The following SETD2 variants were observed in gnomAD, a reference collection of about 807,000 sequenced individuals.
The protein encoded by SETD2 is SET domain containing 2, histone lysine methyltransferase.
A neutral mutation model predicts 242.1 loss-of-function variants in SETD2; 31 were observed. That is an observed-to-expected ratio of 0.13 (90% CI 0.10 to 0.17). The LOEUF (loss-of-function observed/expected upper bound fraction) is 0.17. Among genes scored for constraint, SETD2 ranks in the 10% least tolerant of loss-of-function variants. The pLI, the probability that SETD2 is intolerant of heterozygous loss-of-function variation, is 1.00. For synonymous variants in SETD2, 1,006 were observed against 1,066.5 expected (o/e 0.94, Z 1.11); for missense variants, 2,481 against 3,046.3 (o/e 0.81, Z 4.37).
At chr3:47,103,065 T>C (rs1469323005) in intron 7 of SETD2, among the ~76,000 whole-genome samples, 1 of 152,220 alleles carries the variant, frequency 6.6e-6, no homozygotes, top group African/African-American at 2.4e-5. Flanking sequence ...GTCTTCATAT[T>C]ACTTAATAGC....
chr3:47,134,932 A>G (rs1341920889), intron 1 of SETD2, among the ~76,000 whole-genome samples: 1 of 152,132 alleles, frequency 6.6e-6, no homozygotes, highest in Non-Finnish European at 1.5e-5. Flanking sequence ...CCTGAATGAC[A>G]TTTTAGAAAG....
At chr3:47,049,665 C>G (rs2039716668) in intron 15 of SETD2, among the ~76,000 whole-genome samples, 1 of 147,198 alleles carries the variant, frequency 6.8e-6, no homozygotes, top group Admixed American at 6.8e-5. Flanking sequence ...AGCCACCGCG[C>G]CTGGCCTATA....
At chr3:47,135,071 C>A (rs2043562598) in intron 1 of SETD2, among the ~76,000 whole-genome samples, 1 of 152,180 alleles carries the variant, frequency 6.6e-6, no homozygotes, top group Non-Finnish European at 1.5e-5. Context: ...ACAGTCTCTA[C>A]CCCACCAGGA....
intron 1 of SETD2, among the ~76,000 whole-genome samples, chr3:47,151,801 TG>T (rs1374638726): frequency 7.2e-6 from 1 of 139,192 alleles, no homozygotes; most frequent in African/African-American, 2.7e-5. Context: ...CACTCCAGCC[TG>T]GGAGAGAGAC....
intron 7 of SETD2, among the ~76,000 whole-genome samples, 199 bp downstream of exon 7, chr3:47,103,147 T>C (rs1273968482): frequency 1.3e-5 from 2 of 152,222 alleles, no homozygotes; most frequent in Non-Finnish European, 2.9e-5. Context: ...TGAAGACTGA[T>C]ATATGGGTGT....
chr3:47,054,250 C>G (rs150825681), intron 15 of SETD2, among the ~76,000 whole-genome samples: 4 of 152,146 alleles, frequency 2.6e-5, no homozygotes, highest in Admixed American at 2.0e-4. Context: ...AATTGTGATG[C>G]TTGGCTCTTA....
intron 12 of SETD2, among the ~76,000 whole-genome samples, chr3:47,079,488 A>C (rs2041238908): frequency 1.3e-5 from 2 of 152,256 alleles, no homozygotes; most frequent in African/African-American, 4.8e-5. Flanking sequence ...TTATGTCTTT[A>C]GGGAAACAGA....
chr3:47,042,470 A>G lies in SETD2; in HGVS notation c.7238+91T>C, dbSNP rs878901458. 39 of 1,264,510 alleles carry G rather than the reference A, an allele frequency of 3.1e-5. 1 individual carries two copies. The highest frequency in any genetic ancestry group is 2.2e-4 in the Admixed American group (12 of 55,700). The allele number at this position is 1,264,510 out of a possible 1,614,324, so 78.3% of individuals were successfully genotyped here. ...CAAGCACAGTGAAAAGCTAATGACA[A>G]GAAGTTTACAACTGTAAAACTCCCC... On this transcript the variant is annotated intron_variant, in intron 17 of 20. Transcript: ENST00000409792.
At chr3:47,115,757 G>A (rs1008000888) in intron 4 of SETD2, among the ~76,000 whole-genome samples, 7 of 152,100 alleles carry the variant, frequency 4.6e-5, no homozygotes, top group Non-Finnish European at 7.4e-5. Flanking sequence ...TGCTTCTCCT[G>A]CCTCAGCCTC....
chr3:47,057,724 G>A (rs945585463), intron 14 of SETD2, among the ~76,000 whole-genome samples: 1 of 152,044 alleles, frequency 6.6e-6, no homozygotes, highest in Non-Finnish European at 1.5e-5. Flanking sequence ...TCTACCCTTA[G>A]TTTCTAGAAT....
In SETD2 at chr3:47,086,313, T is replaced by G. The variant is rs769619404; in HGVS notation, c.5279A>C (p.Asn1760Thr). The G allele has an allele frequency of 2.5e-6, 4 of 1,611,936 alleles. No homozygotes were observed. In the Admixed American group the frequency reaches 6.7e-5, roughly 27 times the overall value. Residue 1760 changes from asparagine to threonine, a missense_variant and splice_region_variant, in exon 11 of 21, where the codon AAC becomes ACC. Asn to Thr is a moderately conservative substitution (Grantham distance 65, BLOSUM62 0). Around this residue, in one of 17 missense-constraint regions of SETD2, gnomAD observed 62 missense variants for 136.7 expected, o/e 0.45. Coordinates refer to ENST00000409792, the MANE Select transcript of SETD2 (RefSeq NM_014159.7). ...QKLTCLELIQ[N>T]THSQSCLKSF... ...CTTCAGGCAGGACTGTGAGTGTGTGTTCTTTCATGGGGGAAGGGAGACACG... is the reference window on the plus strand; with the variant it reads ...CTTCAGGCAGGACTGTGAGTGTGTGGTCTTTCATGGGGGAAGGGAGACACG...
At chr3:47,023,949 G>C (rs938272830) in intron 18 of SETD2, among the ~76,000 whole-genome samples, 1 of 152,190 alleles carries the variant, frequency 6.6e-6, no homozygotes, top group Admixed American at 6.5e-5. Context: ...TTCTTCTTTT[G>C]GTTGATTTTA....
intron 19 of SETD2, among the ~76,000 whole-genome samples, chr3:47,018,617 TA>T (rs1011325612): frequency 9.2e-5 from 14 of 152,362 alleles, no homozygotes; most frequent in African/African-American, 2.6e-4. Flanking sequence ...ATAAGCCTTT[TA>T]ACTCAAGGTT....
chr3:47,142,951 T>C (rs2043767152), intron 1 of SETD2, among the ~76,000 whole-genome samples: 1 of 152,046 alleles, frequency 6.6e-6, no homozygotes, highest in Non-Finnish European at 1.5e-5. Flanking sequence ...ATTACAGGCG[T>C]GAGCCACTGC....
chr3:47,027,944 C>G (rs193092384), intron 18 of SETD2, among the ~76,000 whole-genome samples: 119 of 152,010 alleles, frequency 7.8e-4, no homozygotes, highest in African/African-American at 2.8e-3. Context: ...GGCGCCCCCC[C>G]GCACACCTGA....
rs1174283471 is a variant in SETD2, at chr3:47,058,440, C to CAAAAAAAAAAAA, written c.6294-962_6294-951dup. Among the ~76,000 whole-genome samples, 13 of 21,974 alleles carry CAAAAAAAAAAAA rather than the reference C, an allele frequency of 5.9e-4. 1 individual carries two copies. The highest frequency in any genetic ancestry group is 3.2e-3 in the African/African-American group (13 of 4,024). 14.4% of individuals were successfully genotyped at this position (21,974 alleles called of 152,430 possible). On this transcript the variant is annotated intron_variant, in intron 14 of 20. Transcript: ENST00000409792. The stretch of plus-strand genomic sequence containing the variant: ...TGGGCAACAGGGCAAGACACCGTCT[C>CAAAAAAAAAAAA]AAAAAAAAAAAAAAAAAAAAAAAAC...
In SETD2 at chr3:47,121,290, T is replaced by C. The variant is rs775822353; in HGVS notation, c.3346A>G (p.Lys1116Glu). 6.2e-7 allele frequency: 1 copy of C among 1,613,384 alleles called. No individual in the cohort carries two copies. Among genetic ancestry groups the C allele is most frequent in the Non-Finnish European group, 8.5e-7 (1 of 1,179,992 alleles). Residue 1116 changes from lysine (K) to glutamate (E), a missense_variant, in exon 3 of 21, where the codon AAA becomes GAA. Around this residue, in one of 17 missense-constraint regions of SETD2, gnomAD observed 1,300 missense variants for 1,259.2 expected, o/e 1.03. Transcript: ENST00000409792. ...GCTTTACTTGCTATACTTTCAAATT[T>C]TTCCTCATACAAATGTCTCCTTGAC... is the stretch of plus-strand genomic sequence containing the variant. Reference protein sequence around the residue: ...LESRRHLYEEKFESIASKACP... With the variant: ...LESRRHLYEEEFESIASKACP...
At chr3:47,107,735 G>A (rs1009405181) in intron 5 of SETD2, among the ~76,000 whole-genome samples, 6 of 127,760 alleles carry the variant, frequency 4.7e-5, no homozygotes, top group Non-Finnish European at 9.8e-5. Context: ...GGGGGTGGGG[G>A]GGGGGTGGCA....
At chr3:47,018,706 C>A (rs533962473) in intron 19 of SETD2, among the ~76,000 whole-genome samples, 1 of 152,332 alleles carries the variant, frequency 6.6e-6, no homozygotes, top group African/African-American at 2.4e-5. Flanking sequence ...TCATTACCCC[C>A]TGCTTAAAAT....
Sources: gnomAD v4.1 joint callset for allele counts (sites outside exome capture counted in the v4.1 genomes callset) on GRCh38, gnomAD v4.1.1 for gene constraint, gnomAD v4.1.1 regional missense constraint, MANE v1.5 for transcripts, NCBI Gene and HGNC (gene_info 2026-07-23, HGNC 2026-07-21) for gene names.